The following PIK3R3 variants were observed in gnomAD, a reference collection of about 807,000 sequenced individuals.
The protein encoded by PIK3R3 is phosphoinositide-3-kinase regulatory subunit 3.
PIK3R3 carries 64 observed loss-of-function variants against 62.9 expected under a neutral mutation model. The ratio of observed to expected loss-of-function variants is 1.02; its 90% CI spans 0.83 to 1.25. The LOEUF (loss-of-function observed/expected upper bound fraction) is 1.25, where lower values mean the gene tolerates loss of function less well. PIK3R3 is among the 50% of genes most tolerant of loss of function. The pLI is 0.00. For synonymous variants in PIK3R3, 165 were observed against 189.0 expected, an observed-to-expected ratio of 0.87 and a Z score of 1.04; for missense variants, 614 against 561.6, an observed-to-expected ratio of 1.09 and a Z score of -0.94.
intron 3 of PIK3R3, among the ~76,000 whole-genome samples, chr1:46,072,898 C>G (rs552310916): frequency 1.2e-3 from 190 of 152,050 alleles, no homozygotes; most frequent in African/African-American, 4.3e-3. Flanking sequence ...ATGATCACAT[C>G]ACTGTACTCT....
chr1:46,115,079 G>A (rs2149460093), intron 1 of PIK3R3, among the ~76,000 whole-genome samples: 1 of 152,168 alleles, frequency 6.6e-6, no homozygotes, highest in East Asian at 1.9e-4. Flanking sequence ...TGTATTTGTA[G>A]GAAGCATCTA....
chr1:46,053,630 C>T (rs1364529326), intron 7 of PIK3R3, among the ~76,000 whole-genome samples: 1 of 152,144 alleles, frequency 6.6e-6, no homozygotes, highest in Non-Finnish European at 1.5e-5. Context: ...ATCCTCACCC[C>T]TCACCAGACA....
intron 3 of PIK3R3, among the ~76,000 whole-genome samples, chr1:46,072,750 G>A (rs1457561536): frequency 6.6e-6 from 1 of 152,028 alleles, no homozygotes; most frequent in African/African-American, 2.4e-5. Flanking sequence ...CTTAGCGTGA[G>A]ACCAGCCTGG....
Position 46,077,602 on chromosome 1 carries a change from T to C in PIK3R3, c.227A>G (p.Asn76Ser). The C allele has an allele frequency of 1.2e-6, 2 of 1,603,092 alleles. No homozygotes were observed. Among genetic ancestry groups the C allele is most frequent in the South Asian group, 1.1e-5 (1 of 90,848 alleles). The stretch of plus-strand genomic sequence containing the variant: ...ATCTGGCATATCCCGCAATTTGTCA[T>C]TTACCTCCTCCCTGAAGAACAGAAT... Reference protein sequence around the residue: ...YWGDISREEVNDKLRDMPDGT... With the variant: ...YWGDISREEVSDKLRDMPDGT... The change falls in exon 3 of 10, where the codon AAT (asparagine) becomes AGT (serine). Residue 76 changes from asparagine to serine, a missense_variant. Coordinates refer to ENST00000262741, the MANE Select transcript of PIK3R3 (RefSeq NM_003629.4).
Position 46,055,800 on chromosome 1 carries a change from G to T in PIK3R3, c.936C>A (p.His312Gln). 6.3e-7 allele frequency: 1 copy of T among 1,586,606 alleles called. No individual in the cohort carries two copies. Among genetic ancestry groups the T allele is most frequent in the South Asian group, 1.2e-5 (1 of 85,940 alleles). ...TACACTCCCAGACTACTTACACAAG[G>T]TGTTGATCTCGGATCTTTCGCAGCT... is the stretch of plus-strand genomic sequence containing the variant. ...LIQLRKIRDQ[H>Q]LVWLNHKGVR... is the part of the protein sequence containing the mutation. The change falls in exon 7 of 10, where the codon CAC becomes CAA. Residue 312 changes from histidine to glutamine, a missense_variant. Physicochemically the swap from His to Gln is conservative, Grantham distance 24. Coordinates refer to ENST00000262741, the MANE Select transcript of PIK3R3 (RefSeq NM_003629.4).
intron 8 of PIK3R3, 42 bp downstream of exon 8, chr1:46,046,509 G>A: frequency 7.7e-7 from 1 of 1,305,832 alleles, no homozygotes; most frequent in Non-Finnish European, 1.1e-6. Flanking sequence ...GTCTTATATT[G>A]ATAACAAAGC....
chr1:46,172,500 A>G, the PIK3R3 span, among the ~76,000 whole-genome samples: 1 of 152,126 alleles, frequency 6.6e-6, no homozygotes, highest in Non-Finnish European at 1.5e-5. Flanking sequence ...CAGCCTCCTG[A>G]GTAGCTGGGA....
chr1:46,063,688 C>G (rs1648731561), intron 5 of PIK3R3, among the ~76,000 whole-genome samples: 1 of 152,182 alleles, frequency 6.6e-6, no homozygotes. Context: ...CCTACCTGTT[C>G]ACCTCCTCTC....
chr1:46,066,271 A>G, intron 4 of PIK3R3, 92 bp from the exon 5 acceptor site: 2 of 836,830 alleles, frequency 2.4e-6, no homozygotes, highest in Non-Finnish European at 3.8e-6. Flanking sequence ...GGAAAATATC[A>G]CCTCAACCAT....
Position 46,043,441 on chromosome 1 carries a change from A to AG in PIK3R3, c.*231_*232insC. 1.9e-6 allele frequency: 1 copy of AG among 529,498 alleles called. No homozygotes were observed. Among genetic ancestry groups the AG allele is most frequent in the Non-Finnish European group, 3.4e-6 (1 of 292,920 alleles). 32.8% of individuals were successfully genotyped at this position (529,498 alleles called of 1,614,324 possible). ...CCAATGAAACAGACTTTCAAAAAAA[A>AG]CATCTGCTTCCAGCTTAGTATGTCA... is the stretch of plus-strand genomic sequence containing the variant. On this transcript the variant is annotated 3_prime_UTR_variant, in exon 10 of 10. Coordinates refer to ENST00000262741, the MANE Select transcript of PIK3R3 (RefSeq NM_003629.4).
At chr1:46,046,878 T>G (rs1312622506) in intron 7 of PIK3R3, 2 of 534,430 alleles carry the variant, frequency 3.7e-6, no homozygotes, top group Non-Finnish European at 6.6e-6. Flanking sequence ...ACTTTTCATT[T>G]TTCTTTTCTG....
the PIK3R3 span, among the ~76,000 whole-genome samples, chr1:46,146,461 C>T: frequency 6.6e-6 from 1 of 152,078 alleles, no homozygotes; most frequent in Non-Finnish European, 1.5e-5. Flanking sequence ...CATCTTCTGG[C>T]AACATACTCA....
At position 46,131,977 on chromosome 1, in the gene PIK3R3, G is replaced by C. The variant is rs780714260; in HGVS notation, c.-25C>G. On this transcript the variant is annotated 5_prime_UTR_variant, in exon 1 of 10. Coordinates refer to ENST00000262741, the MANE Select transcript of PIK3R3 (RefSeq NM_003629.4). ...TCGCGCTGTCAGGGGCAGGTCGCCA[G>C]GAGATATATAGAAGGCATATATTTT... is the stretch of plus-strand genomic sequence containing the variant. 1.9e-6 allele frequency: 3 copies of C among 1,610,866 alleles called. No homozygotes were observed. The South Asian group carries it at 3.3e-5, about 18-fold the overall frequency.
chr1:46,130,347 AG>A (rs1374673802), intron 1 of PIK3R3, among the ~76,000 whole-genome samples: 1 of 152,062 alleles, frequency 6.6e-6, no homozygotes, highest in Non-Finnish European at 1.5e-5. Context: ...CTTTACCGTT[AG>A]GGGGAAACAA....
At chr1:46,076,266 G>A (rs372216313) in intron 3 of PIK3R3, among the ~76,000 whole-genome samples, 1 of 152,192 alleles carries the variant, frequency 6.6e-6, no homozygotes. Context: ...AAGAAAAAGA[G>A]GCCCAGGTCC....
rs142284447 is a variant in PIK3R3, at chr1:46,118,819, G to C, written c.106+13028C>G. The stretch of plus-strand genomic sequence containing the variant: ...GATCTGCCCACCTCGACCTCTCACA[G>C]TGCTGGGATTACAGGCATGAGCCAC... On this transcript the variant is annotated intron_variant, in intron 1 of 9. Transcript: ENST00000262741. 2.9e-3 allele frequency among the ~76,000 whole-genome samples: 441 copies of C among 152,016 alleles called. 4 individuals are homozygous for C. Among genetic ancestry groups the C allele is most frequent in the African/African-American group, 0.01 (423 of 41,448 alleles).
At chr1:46,168,143 T>C in the PIK3R3 span, among the ~76,000 whole-genome samples, 1 of 151,970 alleles carries the variant, frequency 6.6e-6, no homozygotes, top group Non-Finnish European at 1.5e-5. Context: ...AGAGCGAGAC[T>C]CCATCTCAAA....
chr1:46,101,390 G>C (rs1652662351), intron 1 of PIK3R3, among the ~76,000 whole-genome samples: 1 of 151,726 alleles, frequency 6.6e-6, no homozygotes, highest in African/African-American at 2.4e-5. Flanking sequence ...CAGCTACTCG[G>C]GAGGCTGAGG....
At chr1:46,100,171 TTC>T (rs1287082777) in intron 1 of PIK3R3, among the ~76,000 whole-genome samples, 1 of 152,224 alleles carries the variant, frequency 6.6e-6, no homozygotes, top group East Asian at 1.9e-4. Context: ...ATCAATCTTT[TTC>T]TTTTACAGTT....
Sources: allele counts gnomAD v4.1 joint callset (sites outside exome capture counted in the v4.1 genomes callset), GRCh38; gene constraint gnomAD v4.1.1; transcripts MANE v1.5; gene names NCBI Gene and HGNC (gene_info 2026-07-23, HGNC 2026-07-21).